Variants in NOD1 observed in about 807,000 individuals in gnomAD.
NOD1 encodes nucleotide-binding oligomerization domain-containing protein 1.
NOD1 carries 70 observed loss-of-function variants against 81.2 expected under a neutral mutation model. The observed-to-expected ratio is 0.86, with a 90% CI of 0.71 to 1.05. The LOEUF (loss-of-function observed/expected upper bound fraction) is 1.05, where lower values mean the gene tolerates loss of function less well. Among genes scored for constraint, NOD1 ranks in the 50% least tolerant of loss-of-function variants. The pLI is 0.00. For missense variants in NOD1, 1,233 were observed against 1,228.0 expected (o/e 1.00, Z -0.06); for synonymous variants, 508 against 526.9 (o/e 0.96, Z 0.49).
intron 1 of NOD1, chr7:30,469,186 A>G (rs1788015604): frequency 1.0e-6 from 1 of 985,438 alleles, no homozygotes; most frequent in South Asian, 4.7e-5. Flanking sequence ...AAGCCCGGTC[A>G]TGTGGGCCTC....
chr7:30,455,137 C>G lies in NOD1; in HGVS notation c.376G>C (p.Val126Leu), dbSNP rs749926258. The change falls in exon 5 of 14, where the codon GTG becomes CTG. Residue 126 changes from valine (V) to leucine (L), a missense_variant and splice_region_variant. Val to Leu is a conservative substitution (Grantham distance 32). Coordinates refer to ENST00000222823, the MANE Select transcript of NOD1 (RefSeq NM_006092.4). ...QSKVVVNTDP[V>L]SRYTQQLRHH... ...CGGTCTTGCTGGGGCTGACTCCTAC[C>G]TGGGTCAGTGTTGACCACGACTTTG... 2.5e-6 allele frequency: 4 copies of G among 1,613,644 alleles called. No individual in the cohort carries two copies. Among genetic ancestry groups the G allele is most frequent in the Admixed American group, 1.7e-5 (1 of 60,026 alleles).
Position 30,468,712 on chromosome 7 carries a change from C to G in NOD1, c.-351-8671G>C, listed in dbSNP as rs1213617211. On this transcript the variant is annotated intron_variant, in intron 1 of 13. Coordinates refer to ENST00000222823, the MANE Select transcript of NOD1 (RefSeq NM_006092.4). ...CAAATGTCAATTAGAGTGGGCTCCA[C>G]CAACCCCCAACATAACTGGCACACA... 6.5e-6 allele frequency: 4 copies of G among 612,402 alleles called. No individual in the cohort carries two copies. In the East Asian group the frequency reaches 5.6e-4, roughly 86 times the overall value. 37.9% of individuals were successfully genotyped at this position (612,402 alleles called of 1,614,324 possible).
At chr7:30,454,607 A>C (rs1349124088) in intron 5 of NOD1, among the ~76,000 whole-genome samples, 2 of 152,170 alleles carry the variant, frequency 1.3e-5, no homozygotes, top group South Asian at 2.1e-4. Context: ...TTTGCCTAGA[A>C]TCAAACCTGG....
intron 1 of NOD1, chr7:30,460,545 A>G: frequency 1.0e-6 from 1 of 985,430 alleles, no homozygotes; most frequent in Non-Finnish European, 1.2e-6. Context: ...AGGGATACCC[A>G]AAGGAAAAAA....
intron 1 of NOD1, chr7:30,463,706 T>TA (rs35729036): frequency 2.6e-4 from 38 of 148,330 alleles, no homozygotes; most frequent in Non-Finnish European, 3.0e-4. Flanking sequence ...ATGCTAAGAT[T>TA]AAAAAAAAAA....
intron 9 of NOD1, among the ~76,000 whole-genome samples, chr7:30,438,220 G>A (rs560311909): frequency 7.8e-4 from 119 of 152,246 alleles, no homozygotes; most frequent in Non-Finnish European, 1.1e-3. Flanking sequence ...CCATCTTGGT[G>A]GACAGGTGCG....
chr7:30,452,652 G>A lies in NOD1; in HGVS notation c.765C>T (p.Phe255=), dbSNP rs142043110. 235 of 1,613,704 alleles carry A rather than the reference G, an allele frequency of 1.5e-4. No homozygotes were observed. Among genetic ancestry groups the A allele is most frequent in the Non-Finnish European group, 1.9e-4 (230 of 1,180,046 alleles). The part of the protein sequence containing the change: ...SDRLCLQDLL[F]KHYCYPERDP... ...CCCGCTCTGGGTAGCAGTAGTGCTT[G>A]AAGAGCAGGTCCTGCAGACACAGCC... The change falls in exon 6 of 14, where the codon TTC becomes TTT. Residue 255 remains phenylalanine (F), a synonymous_variant. Transcript: ENST00000222823.
At chr7:30,476,303 T>C (rs1057295060) in intron 1 of NOD1, among the ~76,000 whole-genome samples, 1 of 152,232 alleles carries the variant, frequency 6.6e-6, no homozygotes, top group Non-Finnish European at 1.5e-5. Flanking sequence ...CTATATTACT[T>C]ACTGTTTCTA....
At position 30,464,955 on chromosome 7, in the gene NOD1, C is replaced by T. The variant is rs144616515; in HGVS notation, c.-351-4914G>A. Among the ~76,000 whole-genome samples, 169 of 152,286 alleles carry T rather than the reference C, an allele frequency of 1.1e-3. 1 individual carries two copies. The highest frequency in any genetic ancestry group is 3.8e-3 in the African/African-American group (159 of 41,556). The stretch of plus-strand genomic sequence containing the variant: ...CCTAGGTGCCAGGGGTCATTGTTAC[C>T]GCCAATTTACACATGAGGAAACTGA... On this transcript the variant is annotated intron_variant, in intron 1 of 13. Coordinates refer to ENST00000222823, the MANE Select transcript of NOD1 (RefSeq NM_006092.4).
intron 1 of NOD1, among the ~76,000 whole-genome samples, chr7:30,470,013 G>A (rs896059965): frequency 6.6e-6 from 1 of 150,984 alleles, no homozygotes; most frequent in Non-Finnish European, 1.5e-5. Context: ...TTCTATCCCC[G>A]CCTCTCTCAG....
intron 1 of NOD1, 37 bp from the exon 2 acceptor site, chr7:30,460,078 CA>C (rs1244934779): frequency 4.7e-6 from 1 of 211,340 alleles, no homozygotes; most frequent in African/African-American, 2.4e-5. Context: ...AGCCATCTGG[CA>C]AGGAGGCTGC....
intron 1 of NOD1, among the ~76,000 whole-genome samples, chr7:30,473,625 C>T (rs981768763): frequency 2.6e-5 from 4 of 152,074 alleles, no homozygotes; most frequent in Admixed American, 1.3e-4. Context: ...TGGGAGGAGG[C>T]GACAGGAGGA....
At chr7:30,460,217 CAG>C (rs1478633755) in intron 1 of NOD1, 176 bp from the exon 2 acceptor site, 1 of 984,162 alleles carries the variant, frequency 1.0e-6, no homozygotes, top group Non-Finnish European at 1.2e-6. Context: ...CCTTGGTAAA[CAG>C]AATCTAAGGG....
rs778130965 is a variant in NOD1, at chr7:30,437,652, A to G, written c.2458T>C (p.Trp820Arg). 6.6e-7 allele frequency: 1 copy of G among 1,514,766 alleles called. No homozygotes were observed. The highest frequency in any genetic ancestry group is 8.8e-7 in the Non-Finnish European group (1 of 1,142,160). 93.8% of individuals were successfully genotyped at this position (1,514,766 alleles called of 1,614,324 possible). ...CCTTCATCCCCAACTTGATTGCCCC[A>G]CATCCTGAGGGAGGAGACAAGATAG... ...NSKSISEVGM[W>R]GNQVGDEGAK... The change falls in exon 10 of 14, where the codon TGG becomes CGG. Residue 820 changes from tryptophan to arginine, a missense_variant. Coordinates refer to ENST00000222823, the MANE Select transcript of NOD1 (RefSeq NM_006092.4).
At chr7:30,426,691 T>C (rs1344913601) in intron 13 of NOD1, among the ~76,000 whole-genome samples, 1 of 152,136 alleles carries the variant, frequency 6.6e-6, no homozygotes, top group African/African-American at 2.4e-5. Context: ...AGATCTTTTA[T>C]GGTCCAGTCC....
chr7:30,427,386 G>A (rs1783546770), intron 13 of NOD1, among the ~76,000 whole-genome samples: 1 of 152,224 alleles, frequency 6.6e-6, no homozygotes, highest in Non-Finnish European at 1.5e-5. Context: ...CCAAGGAGAA[G>A]GCTTACTCTG....
In NOD1 at chr7:30,433,082, GCTCT is replaced by G. The variant is rs1361068780; in HGVS notation, c.2705+10_2705+13del. ...AAGTAGCACAGTCTGAAATTGTAAGGCTCTCTGAGTTACCATAAATGCTTTAACG... is the reference window on the plus strand; with the variant it reads ...AAGTAGCACAGTCTGAAATTGTAAGGCTGAGTTACCATAAATGCTTTAACG... On this transcript the variant is annotated intron_variant, in intron 12 of 13. Transcript: ENST00000222823. 8.9e-6 allele frequency: 14 copies of G among 1,578,472 alleles called. No homozygotes were observed. Among genetic ancestry groups the G allele is most frequent in the Middle Eastern group, 1.7e-4 (1 of 6,008 alleles).
At chr7:30,438,294 G>A (rs1435261297) in intron 9 of NOD1, among the ~76,000 whole-genome samples, 2 of 152,206 alleles carry the variant, frequency 1.3e-5, no homozygotes, top group African/African-American at 4.8e-5. Flanking sequence ...AACAGTCTGC[G>A]TGGTAAGATG....
chr7:30,432,232 A>G (rs557057067), intron 12 of NOD1, among the ~76,000 whole-genome samples: 1 of 152,366 alleles, frequency 6.6e-6, no homozygotes, highest in South Asian at 2.1e-4. Context: ...CCCAGAATAT[A>G]TAGAGAACCC....
Sources: gnomAD v4.1 joint callset for allele counts (sites outside exome capture counted in the v4.1 genomes callset) on GRCh38, gnomAD v4.1.1 for gene constraint, MANE v1.5 for transcripts, NCBI Gene and HGNC (gene_info 2026-07-23, HGNC 2026-07-21) for gene names.